The following ITPR1 variants were observed in gnomAD, a reference collection of about 807,000 sequenced individuals.
ITPR1 encodes inositol 1,4,5-trisphosphate-gated calcium channel ITPR1.
ITPR1 carries 96 observed loss-of-function variants against 318.4 expected under a neutral mutation model. That is an observed-to-expected ratio of 0.30 (90% CI 0.26 to 0.36). The LOEUF (loss-of-function observed/expected upper bound fraction) is 0.36, where lower values mean the gene tolerates loss of function less well. ITPR1 is among the 10% of genes least tolerant of loss of function. The probability of loss-of-function intolerance (pLI) is 1.00; values close to 1 mark genes in which losing one functional copy is unlikely to be tolerated. For missense variants in ITPR1, 2,440 were observed against 3,460.2 expected, an observed-to-expected ratio of 0.71 and a Z score of 7.40; for synonymous variants, 1,312 against 1,289.9, an observed-to-expected ratio of 1.02 and a Z score of -0.37.
intron 45 of ITPR1, among the ~76,000 whole-genome samples, chr3:4,768,086 A>G (rs1474456588): frequency 6.6e-6 from 1 of 152,226 alleles, no homozygotes; most frequent in African/African-American, 2.4e-5. Flanking sequence ...TCTTCATCAC[A>G]GTGCTTTGAT....
In ITPR1 at chr3:4,663,270, C is replaced by G. The variant is rs934188307; in HGVS notation, c.1554+64C>G. The G allele has an allele frequency of 4.7e-6, 7 of 1,481,606 alleles. No individual in the cohort carries two copies. In the African/African-American group the frequency reaches 5.6e-5, roughly 12 times the overall value. 91.8% of individuals were successfully genotyped at this position (1,481,606 alleles called of 1,614,324 possible). A position where few individuals can be genotyped will look rare whatever the true frequency, so the allele number is the denominator to read the frequency against. Reference sequence around the variant, plus strand: ...AGAAATCATAAAGCATGAGTGGTAGCTCATGCCTGTAGTCCCAGCACTTTG... The same window carrying G: ...AGAAATCATAAAGCATGAGTGGTAGGTCATGCCTGTAGTCCCAGCACTTTG... On this transcript the variant is annotated intron_variant, in intron 16 of 61. Coordinates refer to ENST00000649015, the MANE Select transcript of ITPR1 (RefSeq NM_001378452.1).
chr3:4,814,967 G>A lies in ITPR1; in HGVS notation c.7702-86G>A, dbSNP rs564142358. On this transcript the variant is annotated intron_variant, in intron 58 of 61. Coordinates refer to ENST00000649015, the MANE Select transcript of ITPR1 (RefSeq NM_001378452.1). The stretch of plus-strand genomic sequence containing the variant: ...CAATTTAATTTCTACCCAAGTAGAT[G>A]AGGTCTCACTTGAGCTGTGCCCCAG... The A allele has an allele frequency of 5.6e-4, 601 of 1,072,482 alleles. 3 individuals carry two copies. Among genetic ancestry groups the A allele is most frequent in the Non-Finnish European group, 4.6e-4 (338 of 737,850 alleles). The allele number at this position is 1,072,482 out of a possible 1,614,324, so 66.4% of individuals were successfully genotyped here. A position where few individuals can be genotyped will look rare whatever the true frequency, so the allele number is the denominator to read the frequency against.
intron 54 of ITPR1, among the ~76,000 whole-genome samples, chr3:4,801,902 C>T (rs987860253): frequency 2.6e-5 from 4 of 152,124 alleles, no homozygotes; most frequent in Non-Finnish European, 4.4e-5. Flanking sequence ...TGGGAAAGCT[C>T]GGGATGTTAT....
intron 16 of ITPR1, 61 bp from the exon 17 acceptor site, chr3:4,665,077 C>A: frequency 6.4e-7 from 1 of 1,574,534 alleles, no homozygotes; most frequent in Non-Finnish European, 8.7e-7. Context: ...TACTTCCAAA[C>A]AGAGGGTTAG....
At chr3:4,697,079 T>C in intron 33 of ITPR1, 68 bp from the exon 34 acceptor site, 2 of 1,476,474 alleles carry the variant, frequency 1.4e-6, no homozygotes, top group Non-Finnish European at 1.9e-6. Context: ...TGCTGTGAAG[T>C]TGAGGCAGCT....
At chr3:4,680,129 AT>A (rs1269979636) in intron 24 of ITPR1, among the ~76,000 whole-genome samples, 1 of 152,184 alleles carries the variant, frequency 6.6e-6, no homozygotes, top group Non-Finnish European at 1.5e-5. Context: ...AACCAAGCTA[AT>A]TTTCCATAGT....
intron 4 of ITPR1, among the ~76,000 whole-genome samples, chr3:4,562,590 G>C (rs1219004990): frequency 2.0e-5 from 3 of 152,014 alleles, no homozygotes; most frequent in Non-Finnish European, 4.4e-5. Context: ...AATATCTCAG[G>C]TTTTAGATTT....
chr3:4,587,197 G>A (rs948730752), intron 4 of ITPR1, among the ~76,000 whole-genome samples: 2 of 148,124 alleles, frequency 1.4e-5, no homozygotes, highest in Non-Finnish European at 3.0e-5. Context: ...TATCTGATCT[G>A]CACTGAGGCC....
chr3:4,751,885 G>T (rs760815875), intron 44 of ITPR1, among the ~76,000 whole-genome samples: 1 of 152,160 alleles, frequency 6.6e-6, no homozygotes, highest in Non-Finnish European at 1.5e-5. Context: ...CCTGAGAACT[G>T]ACTTGATGTT....
rs2093133731 is a variant in ITPR1, at chr3:4,634,887, C to T, written c.280-4497C>T. On this transcript the variant is annotated intron_variant, in intron 5 of 61. Coordinates refer to ENST00000649015, the MANE Select transcript of ITPR1 (RefSeq NM_001378452.1). ...CTGAGTAGCTGGGATTACAGGCATGCACCACCACACCTGGCTAATTTTTGG... is the reference window on the plus strand; with the variant it reads ...CTGAGTAGCTGGGATTACAGGCATGTACCACCACACCTGGCTAATTTTTGG... Among the ~76,000 whole-genome samples, 4 of 152,250 alleles carry T rather than the reference C, an allele frequency of 2.6e-5. No individual in the cohort carries two copies. The South Asian group carries it at 6.2e-4, about 24-fold the overall frequency.
chr3:4,631,006 A>C (rs1370386645), intron 5 of ITPR1, among the ~76,000 whole-genome samples: 1 of 152,256 alleles, frequency 6.6e-6, no homozygotes, highest in Non-Finnish European at 1.5e-5. Flanking sequence ...CATTTTATGC[A>C]TTCTTTTGCA....
intron 4 of ITPR1, among the ~76,000 whole-genome samples, chr3:4,589,844 G>A (rs2090237770): frequency 6.6e-6 from 1 of 152,116 alleles, no homozygotes; most frequent in African/African-American, 2.4e-5. Flanking sequence ...GAATCTCTGG[G>A]TATGCGGCCA....
intron 54 of ITPR1, among the ~76,000 whole-genome samples, chr3:4,804,686 A>G (rs907493919): frequency 2.6e-5 from 4 of 152,192 alleles, no homozygotes; most frequent in African/African-American, 7.2e-5. Context: ...CCACATCATC[A>G]TGGATCATCC....
At chr3:4,595,586 A>G (rs1419779444) in intron 4 of ITPR1, among the ~76,000 whole-genome samples, 2 of 152,178 alleles carry the variant, frequency 1.3e-5, no homozygotes, top group African/African-American at 4.8e-5. Context: ...GGTATATATT[A>G]TAGTTAATTT....
chr3:4,765,948 A>G (rs1166340674), intron 44 of ITPR1, among the ~76,000 whole-genome samples: 1 of 152,206 alleles, frequency 6.6e-6, no homozygotes, highest in Admixed American at 6.5e-5. Flanking sequence ...TTTTGGAGTC[A>G]CTATAGCATA....
At chr3:4,566,157 A>G (rs1405785286) in intron 4 of ITPR1, among the ~76,000 whole-genome samples, 2 of 152,234 alleles carry the variant, frequency 1.3e-5, no homozygotes, top group Non-Finnish European at 1.5e-5. Context: ...CAAAAAGTGA[A>G]TGACTTGTAA....
chr3:4,543,645 G>A (rs905100306), intron 4 of ITPR1, among the ~76,000 whole-genome samples: 5 of 152,254 alleles, frequency 3.3e-5, no homozygotes, highest in South Asian at 2.1e-4. Context: ...GTTTCACCCT[G>A]TTGGCCAGGC....
chr3:4,626,944 G>C (rs990578559), intron 4 of ITPR1, among the ~76,000 whole-genome samples: 1 of 152,084 alleles, frequency 6.6e-6, no homozygotes, highest in Non-Finnish European at 1.5e-5. Flanking sequence ...TCAGCCACTG[G>C]AGTAGCTGGG....
intron 30 of ITPR1, among the ~76,000 whole-genome samples, chr3:4,686,002 C>T (rs1228103657): frequency 1.3e-5 from 2 of 152,174 alleles, no homozygotes; most frequent in Non-Finnish European, 1.5e-5. Context: ...GATGAAGGCT[C>T]ATTTCTAGGT....
Sources: gnomAD v4.1 joint callset for allele counts (sites outside exome capture counted in the v4.1 genomes callset) on GRCh38, gnomAD v4.1.1 for gene constraint, MANE v1.5 for transcripts, NCBI Gene and HGNC (gene_info 2026-07-23, HGNC 2026-07-21) for gene names.